The following RELB variants were observed in gnomAD, a reference collection of about 807,000 sequenced individuals.
The protein encoded by RELB is transcription factor RelB.
RELB carries 14 observed loss-of-function variants against 55.4 expected under a neutral mutation model. The ratio of observed to expected loss-of-function variants is 0.25; its 90% CI spans 0.17 to 0.40. The LOEUF is 0.40. RELB is among the 10% of genes least tolerant of loss of function. The pLI is 1.00. For synonymous variants in RELB, 409 were observed against 371.3 expected (o/e 1.10, Z -1.17); for missense variants, 669 against 830.7 (o/e 0.81, Z 2.39).
chr19:45,019,194 C>G (rs115730027), intron 4 of RELB, among the ~76,000 whole-genome samples: 2,735 of 152,156 alleles, frequency 0.018, 75 homozygotes, highest in African/African-American at 0.062. Context: ...TCCTGAGTAC[C>G]TGGGACTACA....
rs936935306 is a variant in RELB, at chr19:45,001,607, C to A, written c.28C>A (p.Pro10Thr). 3 of 1,514,600 alleles carry A rather than the reference C, an allele frequency of 2.0e-6. No homozygotes were observed. Among genetic ancestry groups the A allele is most frequent in the South Asian group, 2.4e-5 (2 of 81,922 alleles). The allele number at this position is 1,514,600 out of a possible 1,614,324, so 93.8% of individuals were successfully genotyped here. Residue 10 changes from proline (P) to threonine (T), a missense_variant, in exon 1 of 12, where the codon CCG (proline) becomes ACG (threonine). Pro to Thr is a conservative substitution (Grantham distance 38, BLOSUM62 -1). Transcript: ENST00000221452. ...GCTTCGGTCTGGGCCAGCCTCTGGGCCGTCCGTCCCCACTGGCCGGGCCAT... is the reference window on the plus strand; with the variant it reads ...GCTTCGGTCTGGGCCAGCCTCTGGGACGTCCGTCCCCACTGGCCGGGCCAT... MLRSGPASG[P>T]SVPTGRAMPS... is the part of the protein sequence containing the mutation.
intron 5 of RELB, among the ~76,000 whole-genome samples, 153 bp downstream of exon 5, chr19:45,022,363 G>A (rs1046749203): frequency 6.6e-6 from 1 of 152,068 alleles, no homozygotes; most frequent in Non-Finnish European, 1.5e-5. Context: ...GACAGTGGAG[G>A]GCCTCACTTA....
intron 9 of RELB, 112 bp downstream of exon 9, chr19:45,032,861 A>G (rs962258455): frequency 1.5e-5 from 13 of 881,834 alleles, no homozygotes; most frequent in East Asian, 2.7e-5. Flanking sequence ...GCTCAGAGCT[A>G]CAAAGACAGT....
rs1049091952 is a variant in RELB, at chr19:45,012,083, C to T, written c.311C>T (p.Pro104Leu). ...GGCCCTGTGGCGCCCCCAGCCACGC[C>T]GCCGCCTTGGGGCTGCCCCCTGGGC... ...TLGPVAPPAT[P>L]PPWGCPLGRL... is the part of the protein sequence containing the mutation. The change falls in exon 4 of 12, where the codon CCG (proline) becomes CTG (leucine). Residue 104 changes from proline to leucine, a missense_variant. Pro to Leu is a moderately conservative substitution (Grantham distance 98, BLOSUM62 -3). This residue lies in a region of RELB where 323 missense variants were observed against 368.5 expected (regional missense o/e 0.88). Transcript: ENST00000221452. The T allele has an allele frequency of 5.8e-6, 9 of 1,547,744 alleles. No individual in the cohort carries two copies. The African/African-American group carries it at 7.1e-5, about 12-fold the overall frequency.
intron 2 of RELB, among the ~76,000 whole-genome samples, chr19:45,004,458 A>T (rs1971258040): frequency 7.0e-6 from 1 of 142,596 alleles, no homozygotes; most frequent in Non-Finnish European, 1.5e-5. Flanking sequence ...TCCTGACCTC[A>T]AAGGATCCGC....
chr19:45,003,367 C>G (rs1018350080), intron 2 of RELB, among the ~76,000 whole-genome samples: 2 of 148,736 alleles, frequency 1.3e-5, no homozygotes, highest in Non-Finnish European at 3.0e-5. Flanking sequence ...CCCAGCTACT[C>G]GGGAGGCTGA....
At chr19:45,020,553 CTTTTT>C (rs34030158) in intron 4 of RELB, among the ~76,000 whole-genome samples, 1 of 86,554 alleles carries the variant, frequency 1.2e-5, no homozygotes, top group Non-Finnish European at 2.1e-5. Flanking sequence ...TGGCACCCAT[CTTTTT>C]TTTTTTTTTT....
chr19:45,015,731 T>C (rs1971413109), intron 4 of RELB, among the ~76,000 whole-genome samples: 1 of 99,738 alleles, frequency 1.0e-5, no homozygotes, highest in Non-Finnish European at 2.0e-5. Context: ...AAAGATGCTA[T>C]CTCAAAAAAA....
At chr19:45,020,350 A>G (rs1221420468) in intron 4 of RELB, among the ~76,000 whole-genome samples, 1 of 151,320 alleles carries the variant, frequency 6.6e-6, no homozygotes, top group Non-Finnish European at 1.5e-5. Context: ...CAGCTTCCAG[A>G]GTAGCTGGGA....
At chr19:45,017,046 T>G (rs1437697082) in intron 4 of RELB, among the ~76,000 whole-genome samples, 1 of 152,188 alleles carries the variant, frequency 6.6e-6, no homozygotes, top group South Asian at 2.1e-4. Context: ...CCTGTCTACT[T>G]GCGGTAGGGT....
At position 45,012,087 on chromosome 19, in the gene RELB, G is replaced by C. The variant is rs370635437; in HGVS notation, c.315G>C (p.Pro105=). Residue 105 remains proline, a synonymous_variant, in exon 4 of 12, where the codon CCG becomes CCC. Coordinates refer to ENST00000221452, the MANE Select transcript of RELB (RefSeq NM_006509.4). ...LGPVAPPATP[P]PWGCPLGRLV... ...CTGTGGCGCCCCCAGCCACGCCGCC[G>C]CCTTGGGGCTGCCCCCTGGGCCGAC... 1.3e-6 allele frequency: 2 copies of C among 1,551,666 alleles called. No homozygotes were observed. The highest frequency in any genetic ancestry group is 1.7e-6 in the Non-Finnish European group (2 of 1,154,516).
At chr19:45,034,346 C>G (rs1776583402) in intron 10 of RELB, 34 bp downstream of exon 10, 1 of 1,610,436 alleles carries the variant, frequency 6.2e-7, no homozygotes, top group African/African-American at 1.3e-5. Flanking sequence ...ACCCCCATCC[C>G]CAGGTTCTGG....
At chr19:45,012,600 C>T (rs1193120671) in intron 4 of RELB, among the ~76,000 whole-genome samples, 1 of 151,706 alleles carries the variant, frequency 6.6e-6, no homozygotes, top group Non-Finnish European at 1.5e-5. Flanking sequence ...ACAAATTAGC[C>T]GAGTGTGGTG....
chr19:45,037,472 C>T lies in RELB; in HGVS notation c.1422C>T (p.Pro474=), dbSNP rs547067248. 14 of 1,610,578 alleles carry T rather than the reference C, an allele frequency of 8.7e-6. No individual in the cohort carries two copies. The highest frequency in any genetic ancestry group is 1.3e-5 in the African/African-American group (1 of 75,002). The change falls in exon 12 of 12, where the codon CCC becomes CCT. Residue 474 remains proline (P), a synonymous_variant. Transcript: ENST00000221452. The part of the protein sequence containing the change: ...PDFFSGTVSL[P]GLEPPGGPDL... ...TCTTCTCTGGCACCGTGTCCCTGCC[C>T]GGCCTGGAGCCCCCTGGCGGGCCTG...
chr19:45,017,459 A>AAAAAAAAAAAAAAAAAAAAAAAAG (rs1568400059), intron 4 of RELB, among the ~76,000 whole-genome samples: 1 of 151,068 alleles, frequency 6.6e-6, no homozygotes, highest in African/African-American at 2.4e-5. Flanking sequence ...TAAAAAAAAA[A>AAAAAAAAAAAAAAAAAAAAAAAAG]AAAACAATTC....
At chr19:45,005,672 C>T (rs1172914074) in intron 2 of RELB, among the ~76,000 whole-genome samples, 4 of 152,162 alleles carry the variant, frequency 2.6e-5, no homozygotes, top group Admixed American at 6.5e-5. Flanking sequence ...GTCACAATCT[C>T]GGCTCACTGC....
intron 4 of RELB, among the ~76,000 whole-genome samples, chr19:45,017,459 A>AAAAAAAAAAAAAAAAAAAAAAAAAAAAAG (rs1568400059): frequency 1.3e-5 from 2 of 151,068 alleles, no homozygotes; most frequent in African/African-American, 4.9e-5. Context: ...TAAAAAAAAA[A>AAAAAAAAAAAAAAAAAAAAAAAAAAAAAG]AAAACAATTC....
chr19:45,020,588 C>T (rs190423824), intron 4 of RELB, among the ~76,000 whole-genome samples: 1,950 of 120,704 alleles, frequency 0.016, 27 homozygotes, highest in Middle Eastern at 0.12. Context: ...GACGGAGTCT[C>T]GCTCTGTCGC....
chr19:45,023,587 A>C (rs556688910), intron 5 of RELB, among the ~76,000 whole-genome samples: 72 of 147,624 alleles, frequency 4.9e-4, no homozygotes, highest in African/African-American at 1.8e-3. Context: ...GCAGGCGCCC[A>C]CCACCACACC....
Sources: gnomAD v4.1 joint callset for allele counts (sites outside exome capture counted in the v4.1 genomes callset) on GRCh38, gnomAD v4.1.1 for gene constraint, gnomAD v4.1.1 regional missense constraint, MANE v1.5 for transcripts, NCBI Gene and HGNC (gene_info 2026-07-23, HGNC 2026-07-21) for gene names.